The following ENPP1 variants were observed in gnomAD, a reference collection of about 807,000 sequenced individuals.
ENPP1 encodes ectonucleotide pyrophosphatase/phosphodiesterase 1.
A neutral mutation model predicts 122.8 loss-of-function variants in ENPP1; 73 were observed. That is an observed-to-expected ratio of 0.59 (90% CI 0.49 to 0.72). The LOEUF is 0.72. ENPP1 is among the 30% of genes least tolerant of loss of function. ENPP1 has a pLI of 0.00. For synonymous variants in ENPP1, 367 were observed against 391.6 expected (o/e 0.94, Z 0.74); for missense variants, 978 against 1,128.1 (o/e 0.87, Z 1.91).
chr6:131,876,140 G>A (rs369358352), intron 17 of ENPP1, among the ~76,000 whole-genome samples: 15 of 152,256 alleles, frequency 9.9e-5, no homozygotes, highest in Admixed American at 2.6e-4. Flanking sequence ...CTAGGCCCTC[G>A]GCTTAGTGAT....
rs576003618 is a variant in ENPP1, at chr6:131,832,820, T to C, written c.241-14956T>C. Among the ~76,000 whole-genome samples, 13 of 152,286 alleles carry C rather than the reference T, an allele frequency of 8.5e-5. No individual in the cohort carries two copies. In the East Asian group the frequency reaches 2.3e-3, roughly 27 times the overall value. On this transcript the variant is annotated intron_variant, in intron 1 of 24. Transcript: ENST00000647893. ...GGAATGGTTGGGATTCCTCATAGCA[T>C]GGTGGCCTCCGTGTAAGGGTAACTG... is the stretch of plus-strand genomic sequence containing the variant.
chr6:131,834,320 T>C (rs1313568391), intron 1 of ENPP1, among the ~76,000 whole-genome samples: 1 of 152,144 alleles, frequency 6.6e-6, no homozygotes, highest in African/African-American at 2.4e-5. Context: ...CCTAGAAATA[T>C]CAGCTGTCTG....
Position 131,878,554 on chromosome 6 carries a change from G to A in ENPP1, c.1906G>A (p.Glu636Lys). 5 of 1,611,818 alleles carry A rather than the reference G, an allele frequency of 3.1e-6. No homozygotes were observed. Among genetic ancestry groups the A allele is most frequent in the Non-Finnish European group, 4.2e-6 (5 of 1,178,054 alleles). The change falls in exon 19 of 25, where the codon GAG (glutamate) becomes AAG (lysine). Residue 636 changes from glutamate (E) to lysine (K), a missense_variant. Transcript: ENST00000647893. ...TAACCTTTTTTAGATTTTGCCGATT[G>A]AGGATTTTCAAACACAGTTCAATCT... is the stretch of plus-strand genomic sequence containing the variant. Reference protein sequence around the residue: ...CSCNPSILPIEDFQTQFNLTV... With the variant: ...CSCNPSILPIKDFQTQFNLTV...
chr6:131,812,382 A>G (rs924189240), intron 1 of ENPP1, among the ~76,000 whole-genome samples: 2 of 152,218 alleles, frequency 1.3e-5, no homozygotes, highest in Non-Finnish European at 2.9e-5. Context: ...GTAGCCTGAT[A>G]TTGGCCCTTC....
chr6:131,809,880 C>G (rs1315052845), intron 1 of ENPP1, among the ~76,000 whole-genome samples: 2 of 152,186 alleles, frequency 1.3e-5, no homozygotes, highest in Admixed American at 1.3e-4. Context: ...ACTGGTCAAA[C>G]AGCATTCTGT....
chr6:131,816,745 G>A (rs1037039345), intron 1 of ENPP1, among the ~76,000 whole-genome samples: 1 of 152,136 alleles, frequency 6.6e-6, no homozygotes, highest in African/African-American at 2.4e-5. Flanking sequence ...AGAAGTGTAG[G>A]TGGTAGAAGT....
At chr6:131,848,407 G>T (rs527283031) in intron 2 of ENPP1, among the ~76,000 whole-genome samples, 2 of 152,110 alleles carry the variant, frequency 1.3e-5, no homozygotes, top group Non-Finnish European at 2.9e-5. Context: ...TGTCTTTGAG[G>T]TAGTTCCCCC....
At chr6:131,813,687 A>G (rs77179230) in intron 1 of ENPP1, among the ~76,000 whole-genome samples, 2,355 of 152,164 alleles carry the variant, frequency 0.015, 66 homozygotes, top group African/African-American at 0.054. Flanking sequence ...TCTTATTTCT[A>G]TTGTAACATT....
At chr6:131,812,871 GCT>G (rs1400932447) in intron 1 of ENPP1, among the ~76,000 whole-genome samples, 2 of 151,972 alleles carry the variant, frequency 1.3e-5, no homozygotes, top group East Asian at 3.9e-4. Flanking sequence ...AGACAGTCTT[GCT>G]CTGTTGCCCA....
intron 11 of ENPP1, among the ~76,000 whole-genome samples, 176 bp downstream of exon 11, chr6:131,865,114 A>T (rs1261538605): frequency 6.6e-6 from 1 of 152,218 alleles, no homozygotes; most frequent in Non-Finnish European, 1.5e-5. Flanking sequence ...GAGTTGGGAG[A>T]ATTGTTTAGC....
At chr6:131,847,753 A>G (rs762320001) in intron 1 of ENPP1, 23 bp from the exon 2 acceptor site, 10 of 1,507,862 alleles carry the variant, frequency 6.6e-6, no homozygotes, top group Non-Finnish European at 9.2e-6. Flanking sequence ...GAAACCATGT[A>G]ATTTTCTCTT....
At chr6:131,835,331 G>A (rs1781661040) in intron 1 of ENPP1, among the ~76,000 whole-genome samples, 1 of 152,120 alleles carries the variant, frequency 6.6e-6, no homozygotes. Context: ...ACTGATAGGA[G>A]TTTTCTTTGA....
At chr6:131,834,561 C>T (rs1324834153) in intron 1 of ENPP1, among the ~76,000 whole-genome samples, 2 of 147,186 alleles carry the variant, frequency 1.4e-5, no homozygotes, top group African/African-American at 5.0e-5. Context: ...GATGGAGTCT[C>T]ACTCTGTCGC....
chr6:131,889,587 G>T (rs1041487537), intron 24 of ENPP1, among the ~76,000 whole-genome samples: 2 of 152,022 alleles, frequency 1.3e-5, no homozygotes, highest in Non-Finnish European at 2.9e-5. Context: ...AGTATTCCAT[G>T]GTATACATGT....
intron 1 of ENPP1, among the ~76,000 whole-genome samples, chr6:131,812,922 C>T (rs114200649): frequency 0.012 from 1,770 of 152,248 alleles, 26 homozygotes; most frequent in African/African-American, 0.04. Flanking sequence ...CCACTGCAAC[C>T]TCCCGCTCCT....
At position 131,890,490 on chromosome 6, in the gene ENPP1, A is replaced by T. The variant is rs73541508; in HGVS notation, c.2757A>T (p.Pro919=). The T allele has an allele frequency of 3.2e-4, 515 of 1,614,066 alleles. 2 individuals carry two copies. The African/African-American group carries it at 6.2e-3, about 20-fold the overall frequency. The stretch of plus-strand genomic sequence containing the variant: ...TTTTAAAGTTGAAAACACATTTGCC[A>T]ACCTTTAGCCAAGAAGACTGATATG... ...SDILKLKTHL[P]TFSQED The change falls in exon 25 of 25, where the codon CCA becomes CCT. Residue 919 remains proline (P), a synonymous_variant. Transcript: ENST00000647893.
At chr6:131,818,144 T>C (rs1168624294) in intron 1 of ENPP1, among the ~76,000 whole-genome samples, 4 of 152,114 alleles carry the variant, frequency 2.6e-5, no homozygotes, top group Admixed American at 2.0e-4. Flanking sequence ...AGAGAGAGAA[T>C]TGAAAAGAAA....
intron 1 of ENPP1, among the ~76,000 whole-genome samples, chr6:131,811,376 A>ATATATCTAC: frequency 7.6e-6 from 1 of 131,290 alleles, no homozygotes; most frequent in Admixed American, 7.7e-5. Flanking sequence ...ATCTATATCT[A>ATATATCTAC]TATATCTATA....
intron 20 of ENPP1, among the ~76,000 whole-genome samples, chr6:131,880,861 A>C (rs566703537): frequency 6.6e-6 from 1 of 152,102 alleles, no homozygotes; most frequent in Non-Finnish European, 1.5e-5. Context: ...CCCACCACCA[A>C]CACCAGAGGA....
Sources: allele counts gnomAD v4.1 joint callset (sites outside exome capture counted in the v4.1 genomes callset), GRCh38; gene constraint gnomAD v4.1.1; transcripts MANE v1.5; gene names NCBI Gene and HGNC (gene_info 2026-07-23, HGNC 2026-07-21).